Variants in TOR3A observed in about 807,000 individuals in gnomAD.
TOR3A encodes the protein torsin family 3 member A.
A neutral mutation model predicts 42.1 loss-of-function variants in TOR3A; 44 were observed. The ratio of observed to expected loss-of-function variants is 1.04; its 90% CI spans 0.82 to 1.34. TOR3A has a LOEUF of 1.34. Ranked by LOEUF, TOR3A falls within the 40% of genes most tolerant of loss-of-function variation. TOR3A has a pLI of 0.00. For missense variants in TOR3A, 521 were observed against 507.6 expected (o/e 1.03, Z -0.25); for synonymous variants, 227 against 213.2 (o/e 1.06, Z -0.57).
Position 179,095,345 on chromosome 1 carries a change from A to AAC in TOR3A, c.*133_*134dup. ...GACTGGCATCCAGCAGCCACTAACAAACACACAACTGGTGTGTAAAAGGCA... is the reference window on the plus strand; with the variant it reads ...GACTGGCATCCAGCAGCCACTAACAAACACACACAACTGGTGTGTAAAAGGCA... On this transcript the variant is annotated 3_prime_UTR_variant, in exon 6 of 6. Coordinates refer to ENST00000367627, the MANE Select transcript of TOR3A (RefSeq NM_022371.4). 6.6e-7 allele frequency: 1 copy of AAC among 1,526,646 alleles called. No homozygotes were observed. Among genetic ancestry groups the AAC allele is most frequent in the Non-Finnish European group, 8.7e-7 (1 of 1,144,788 alleles). 94.6% of individuals were successfully genotyped at this position (1,526,646 alleles called of 1,614,324 possible).
At chr1:179,094,578 AC>A (rs1652683557) in intron 5 of TOR3A, among the ~76,000 whole-genome samples, 1 of 152,090 alleles carries the variant, frequency 6.6e-6, no homozygotes, top group Non-Finnish European at 1.5e-5. Context: ...ATCCAACCTC[AC>A]CCAGCCCCTT....
At chr1:179,090,815 G>T (rs114888965) in intron 4 of TOR3A, among the ~76,000 whole-genome samples, 2 of 152,174 alleles carry the variant, frequency 1.3e-5, no homozygotes, top group Non-Finnish European at 2.9e-5. Context: ...CTCTGCGATC[G>T]GAGCTGCTGC....
intron 4 of TOR3A, chr1:179,088,358 A>C: frequency 4.5e-6 from 1 of 220,310 alleles, no homozygotes. Flanking sequence ...AAATATAAAA[A>C]TTAGCTGGGC....
chr1:179,087,798 T>C (rs528583120), intron 3 of TOR3A, 113 bp from the exon 4 acceptor site: 4 of 927,564 alleles, frequency 4.3e-6, no homozygotes, highest in African/African-American at 3.8e-5. Flanking sequence ...GGGCGGGGGG[T>C]GGGGAACCCA....
At chr1:179,090,464 G>C (rs1213916324) in intron 4 of TOR3A, among the ~76,000 whole-genome samples, 1 of 152,256 alleles carries the variant, frequency 6.6e-6, no homozygotes, top group African/African-American at 2.4e-5. Flanking sequence ...ACTGTAATAA[G>C]GATTCTAGGG....
chr1:179,094,791 T>G (rs922483832), intron 5 of TOR3A, among the ~76,000 whole-genome samples, 177 bp from the exon 6 acceptor site: 4 of 152,124 alleles, frequency 2.6e-5, no homozygotes, highest in African/African-American at 9.7e-5. Flanking sequence ...GATGGGAGGA[T>G]CCCTTGAACC....
In TOR3A at chr1:179,095,769, C is replaced by G; in HGVS notation, c.*551C>G. 1 of 988,892 alleles carries G rather than the reference C, an allele frequency of 1.0e-6. No homozygotes were observed. Among genetic ancestry groups the G allele is most frequent in the Non-Finnish European group, 1.2e-6 (1 of 832,386 alleles). 61.3% of individuals were successfully genotyped at this position (988,892 alleles called of 1,614,324 possible). On this transcript the variant is annotated 3_prime_UTR_variant, in exon 6 of 6. Transcript: ENST00000367627. ...TGGTGGGCTTTCAAATTGGTACTTC[C>G]AGAGGAAAGCCAAGCTGCTTCTGTT...
chr1:179,083,595 G>T (rs1000299036), intron 2 of TOR3A, among the ~76,000 whole-genome samples: 4 of 112,516 alleles, frequency 3.6e-5, no homozygotes, highest in Non-Finnish European at 6.1e-5. Flanking sequence ...GGGGGGGGGG[G>T]GGGGCGGGTT....
intron 1 of TOR3A, 155 bp from the exon 2 acceptor site, chr1:179,082,785 G>A (rs754144685): frequency 1.4e-6 from 1 of 714,496 alleles, no homozygotes; most frequent in Non-Finnish European, 2.5e-6. Context: ...TTGGACGCAG[G>A]GCTTGAGGAC....
At chr1:179,091,258 G>A (rs9730271) in intron 4 of TOR3A, among the ~76,000 whole-genome samples, 24,287 of 152,144 alleles carry the variant, frequency 0.16, 1,989 homozygotes, top group African/African-American at 0.18. Flanking sequence ...TGAGAGAGGT[G>A]CCCTCTGGCC....
At chr1:179,089,327 A>G (rs1460145325) in intron 4 of TOR3A, among the ~76,000 whole-genome samples, 1 of 151,836 alleles carries the variant, frequency 6.6e-6, no homozygotes, top group African/African-American at 2.4e-5. Context: ...ATCTCAAAAA[A>G]AAAAAAAAAA....
chr1:179,088,665 TCTGAGTAC>T (rs1429659198), intron 4 of TOR3A, among the ~76,000 whole-genome samples: 1 of 152,228 alleles, frequency 6.6e-6, no homozygotes, highest in African/African-American at 2.4e-5. Context: ...CCATGCTTCC[TCTGAGTAC>T]CTGTAGTTCA....
chr1:179,094,316 G>A (rs1572578045), intron 5 of TOR3A, 99 bp downstream of exon 5: 5 of 1,425,578 alleles, frequency 3.5e-6, no homozygotes, highest in East Asian at 2.4e-5. Flanking sequence ...AGGGTACTTG[G>A]GAACACAGAG....
chr1:179,082,464 C>G, intron 1 of TOR3A, 77 bp downstream of exon 1: 1 of 1,501,744 alleles, frequency 6.7e-7, no homozygotes, highest in South Asian at 1.3e-5. Context: ...TCGCCTCGCT[C>G]CTGTCCGGGG....
chr1:179,085,410 A>G (rs556724296), intron 2 of TOR3A: 8 of 571,106 alleles, frequency 1.4e-5, no homozygotes, highest in African/African-American at 9.5e-5. Context: ...GTGACAGAGC[A>G]AGACTCCATC....
At chr1:179,090,289 C>G (rs922685429) in intron 4 of TOR3A, among the ~76,000 whole-genome samples, 2 of 152,242 alleles carry the variant, frequency 1.3e-5, no homozygotes, top group Non-Finnish European at 2.9e-5. Context: ...GAGGTTCCCC[C>G]CTCCAGCCGA....
In TOR3A at chr1:179,094,094, A is replaced by C. The variant is rs1235260916; in HGVS notation, c.820A>C (p.Asn274His). 2 of 1,611,900 alleles carry C rather than the reference A, an allele frequency of 1.2e-6. No homozygotes were observed. Among genetic ancestry groups the C allele is most frequent in the African/African-American group, 1.3e-5 (1 of 74,924 alleles). Reference protein sequence around the residue: ...SPWTIFLFLSNLRGDIINEVV... With the variant: ...SPWTIFLFLSHLRGDIINEVV... The stretch of plus-strand genomic sequence containing the variant: ...TTAACAAGCTCTTGTCTCTTTCAGT[A>C]ATCTCAGGGGCGATATAATCAATGA... Residue 274 changes from asparagine to histidine, a missense_variant and splice_region_variant, in exon 5 of 6, where the codon AAT (asparagine) becomes CAT (histidine). By Grantham distance (68) the Asn-to-His change is moderately conservative (BLOSUM62 1). Transcript: ENST00000367627.
intron 3 of TOR3A, among the ~76,000 whole-genome samples, chr1:179,087,015 G>C (rs1355822016): frequency 6.6e-6 from 1 of 152,200 alleles, no homozygotes; most frequent in Non-Finnish European, 1.5e-5. Context: ...GGGCAGAACT[G>C]TCTGGCTTAG....
chr1:179,082,897 AC>A, intron 1 of TOR3A, 42 bp from the exon 2 acceptor site: 1 of 1,341,120 alleles, frequency 7.5e-7, no homozygotes, highest in South Asian at 1.3e-5. Flanking sequence ...ACTGTAGAGC[AC>A]CGGATGGTCT....
Sources: allele counts gnomAD v4.1 joint callset (sites outside exome capture counted in the v4.1 genomes callset), GRCh38; gene constraint gnomAD v4.1.1; transcripts MANE v1.5; gene names NCBI Gene and HGNC (gene_info 2026-07-23, HGNC 2026-07-21).